ARHGAP6: variants seen among roughly 807,000 people sequenced by gnomAD.
The protein encoded by ARHGAP6 is rho GTPase-activating protein 6.
ARHGAP6 carries 16 observed loss-of-function variants against 55.7 expected under a neutral mutation model. That is an observed-to-expected ratio of 0.29 (90% confidence interval 0.19 to 0.44). The LOEUF is 0.44. Among genes scored for constraint, ARHGAP6 ranks in the 20% least tolerant of loss-of-function variants. ARHGAP6 has a pLI of 1.00. For synonymous variants in ARHGAP6, 382 were observed against 360.9 expected, an observed-to-expected ratio of 1.06 and a Z score of -0.66; for missense variants, 698 against 808.9, an observed-to-expected ratio of 0.86 and a Z score of 1.66.
intron 2 of ARHGAP6, among the ~76,000 whole-genome samples, chrX:11,234,731 A>G (rs1481881299): frequency 1.8e-5 from 2 of 112,713 alleles, no homozygotes; most frequent in Non-Finnish European, 1.9e-5. Context: ...TTACGTCCAC[A>G]CAAAAACTTG....
At chrX:11,198,992 G>T (rs2046582373) in intron 2 of ARHGAP6, among the ~76,000 whole-genome samples, 1 of 112,180 alleles carries the variant, frequency 8.9e-6, no homozygotes, top group African/African-American at 3.2e-5. Context: ...TAAAGAATAT[G>T]ATTTTGTTTT....
rs113841885 is a variant in ARHGAP6, at chrX:11,468,285, C to A, written c.588+195956G>T. Among the ~76,000 whole-genome samples, 703 of 112,099 alleles carry A rather than the reference C, an allele frequency of 6.3e-3. 5 individuals are homozygous for A. The highest frequency in any genetic ancestry group is 0.022 in the African/African-American group (668 of 30,942). Reference sequence around the variant, plus strand: ...TAAGAAATGAAACAAAAATGAAACTCAACGAACAGTTTCAAAGGTAGATTA... The same window carrying A: ...TAAGAAATGAAACAAAAATGAAACTAAACGAACAGTTTCAAAGGTAGATTA... On this transcript the variant is annotated intron_variant, in intron 1 of 12. Coordinates refer to ENST00000337414, the MANE Select transcript of ARHGAP6 (RefSeq NM_013427.3).
At chrX:11,313,523 C>G (rs2048323819) in intron 1 of ARHGAP6, among the ~76,000 whole-genome samples, 1 of 111,826 alleles carries the variant, frequency 8.9e-6, no homozygotes, top group Admixed American at 9.5e-5. Context: ...TTTTTCTGGT[C>G]TCTGCTTAAA....
intron 1 of ARHGAP6, among the ~76,000 whole-genome samples, chrX:11,523,507 T>C (rs1255421118): frequency 8.9e-6 from 1 of 112,050 alleles, no homozygotes; most frequent in African/African-American, 3.2e-5. Context: ...GCCCAAAATC[T>C]CCTTAAGCTG....
chrX:11,170,831 A>G (rs2046080694), intron 8 of ARHGAP6, among the ~76,000 whole-genome samples: 1 of 111,965 alleles, frequency 8.9e-6, no homozygotes, highest in Non-Finnish European at 1.9e-5. Flanking sequence ...GGAGCAGCTG[A>G]TGAAGGAGGC....
chrX:11,432,979 C>A (rs1352258178), intron 1 of ARHGAP6, among the ~76,000 whole-genome samples: 1 of 112,633 alleles, frequency 8.9e-6, no homozygotes, highest in African/African-American at 3.2e-5. Flanking sequence ...TTTCTTCCCA[C>A]CCTCTTAACC....
At chrX:11,367,848 A>G in intron 1 of ARHGAP6, 1 of 728,703 alleles carries the variant, frequency 1.4e-6, no homozygotes, top group Non-Finnish European at 1.6e-6. Flanking sequence ...AAACAAAACC[A>G]GAATAGAAGA....
intron 1 of ARHGAP6, among the ~76,000 whole-genome samples, chrX:11,624,370 C>T (rs1053009244): frequency 8.9e-6 from 1 of 111,900 alleles, no homozygotes; most frequent in African/African-American, 3.2e-5. Context: ...CAAAAATTGA[C>T]AAATCAGATA....
chrX:11,503,913 T>A (rs1350880055), intron 1 of ARHGAP6, among the ~76,000 whole-genome samples: 1 of 111,472 alleles, frequency 9.0e-6, no homozygotes, highest in Non-Finnish European at 1.9e-5. Context: ...CATCTGTGTC[T>A]TTTGCAAAAC....
intron 8 of ARHGAP6, among the ~76,000 whole-genome samples, chrX:11,173,591 C>A (rs2046125427): frequency 8.9e-6 from 1 of 111,969 alleles, no homozygotes; most frequent in Admixed American, 9.5e-5. Flanking sequence ...AAGCAAATAG[C>A]AAACTAAACA....
intron 1 of ARHGAP6, among the ~76,000 whole-genome samples, chrX:11,421,259 A>G (rs1365388592): frequency 8.9e-6 from 1 of 112,695 alleles, no homozygotes; most frequent in Non-Finnish European, 1.9e-5. Flanking sequence ...TAAGATTTTG[A>G]TATCTACTGA....
intron 1 of ARHGAP6, among the ~76,000 whole-genome samples, chrX:11,453,896 T>C (rs756833345): frequency 1.3e-4 from 14 of 111,716 alleles, no homozygotes; most frequent in Non-Finnish European, 2.3e-4. Context: ...TCAGCTGTTT[T>C]CTCATCTTCT....
chrX:11,503,894 GCA>G (rs2050705389), intron 1 of ARHGAP6, among the ~76,000 whole-genome samples: 2 of 110,203 alleles, frequency 1.8e-5, no homozygotes, highest in African/African-American at 6.6e-5. Context: ...ACAAACACAT[GCA>G]CACACACATC....
chrX:11,569,952 G>A (rs1184756670), intron 1 of ARHGAP6, among the ~76,000 whole-genome samples: 1 of 112,062 alleles, frequency 8.9e-6, no homozygotes, highest in Non-Finnish European at 1.9e-5. Flanking sequence ...GAAAGGCTCT[G>A]AGTAGAATGC....
intron 1 of ARHGAP6, among the ~76,000 whole-genome samples, chrX:11,395,071 G>A (rs1469542949): frequency 8.9e-6 from 1 of 111,951 alleles, no homozygotes; most frequent in Non-Finnish European, 1.9e-5. Flanking sequence ...CTGGACTAAG[G>A]CCATGCATTT....
At chrX:11,266,007 G>C in intron 1 of ARHGAP6, 1 of 885,732 alleles carries the variant, frequency 1.1e-6, no homozygotes, top group Non-Finnish European at 1.4e-6. Flanking sequence ...AAATGAGTGA[G>C]TGCGTGTGTT....
At chrX:11,195,178 C>T (rs1271956588) in intron 3 of ARHGAP6, among the ~76,000 whole-genome samples, 1 of 110,923 alleles carries the variant, frequency 9.0e-6, no homozygotes, top group Non-Finnish European at 1.9e-5. Context: ...ATGGTGAAAG[C>T]CCGTCTCTAC....
At chrX:11,617,500 TTTGA>T (rs2147160366) in intron 1 of ARHGAP6, among the ~76,000 whole-genome samples, 1 of 111,837 alleles carries the variant, frequency 8.9e-6, no homozygotes, top group African/African-American at 3.2e-5. Context: ...CCACTAAACC[TTTGA>T]TTGTGTTACT....
intron 2 of ARHGAP6, among the ~76,000 whole-genome samples, chrX:11,203,157 C>A (rs1265930339): frequency 2.7e-5 from 3 of 111,695 alleles, no homozygotes; most frequent in African/African-American, 9.8e-5. Flanking sequence ...CTGTTGATTT[C>A]CTCGCTCTGG....
Sources: gnomAD v4.1 joint callset for allele counts (sites outside exome capture counted in the v4.1 genomes callset) on GRCh38, gnomAD v4.1.1 for gene constraint, MANE v1.5 for transcripts, NCBI Gene and HGNC (gene_info 2026-07-23, HGNC 2026-07-21) for gene names.